Variants in FAM118B observed in about 807,000 individuals in gnomAD.
FAM118B encodes the protein SIR2 antiphage like 1.
In FAM118B, 24 loss-of-function variants were observed where a neutral mutation model predicts 38.5. The observed-to-expected ratio is 0.62, with a 90% CI of 0.45 to 0.88. The LOEUF is 0.88. FAM118B is among the 40% of genes least tolerant of loss of function. The probability of loss-of-function intolerance (pLI) is 0.00; values close to 1 mark genes in which losing one functional copy is unlikely to be tolerated. For missense variants in FAM118B, 334 were observed against 420.0 expected (o/e 0.80, Z 1.79); for synonymous variants, 138 against 156.3 (o/e 0.88, Z 0.87).
rs541468434 is a variant in FAM118B at position 126,250,486 on chromosome 11, T to C, written c.340-20T>C. The C allele has an allele frequency of 5.7e-6, 9 of 1,581,940 alleles. No individual in the cohort carries two copies. The highest frequency in any genetic ancestry group is 1.7e-5 in the Admixed American group (1 of 58,980). On this transcript the variant is annotated intron_variant, in intron 4 of 8. Coordinates refer to ENST00000533050, the MANE Select transcript of FAM118B (RefSeq NM_024556.4). The surrounding 1 kb of genome is among the most constrained non-coding windows in gnomAD (Gnocchi z 5.1). ...CCAAAGCACTTTGGACTAATTTTCT[T>C]TTTTCAAATCCCTCCTCAGCGTACC...
rs1365465609 is a variant in FAM118B at position 126,262,210 on chromosome 11, C to G, written c.*77C>G. On this transcript the variant is annotated 3_prime_UTR_variant, in exon 9 of 9. Transcript: ENST00000533050. Reference sequence around the variant, plus strand: ...AGACAGTGTTTAACAAGTAAACTTACAAGAACCCAACACAATTCCCAGAAA... The same window carrying G: ...AGACAGTGTTTAACAAGTAAACTTAGAAGAACCCAACACAATTCCCAGAAA... 4 of 1,492,012 alleles carry G rather than the reference C, an allele frequency of 2.7e-6. No individual in the cohort carries two copies. Among genetic ancestry groups the G allele is most frequent in the Middle Eastern group, 1.7e-4 (1 of 5,858 alleles). The allele number at this position is 1,492,012 out of a possible 1,614,324, so 92.4% of individuals were successfully genotyped here. A position where few individuals can be genotyped will look rare whatever the true frequency, so the allele number is the denominator to read the frequency against.
chr11:126,219,379 T>C (rs1411053190), intron 1 of FAM118B, among the ~76,000 whole-genome samples: 21 of 81,664 alleles, frequency 2.6e-4, no homozygotes, highest in Admixed American at 1.5e-3. Flanking sequence ...TTTTTTTTTT[T>C]TTTTTTTTTT....
At chr11:126,241,706 T>C (rs1362496756) in intron 4 of FAM118B, among the ~76,000 whole-genome samples, 1 of 152,018 alleles carries the variant, frequency 6.6e-6, no homozygotes, top group Non-Finnish European at 1.5e-5. Context: ...TGTGCCACCA[T>C]GCCCAGCTAA....
rs575757337 is a variant in FAM118B, at chr11:126,215,407, T to C, written c.-77+3577T>C. ...ATTGAGTGGTGTTGGAATATACTTTTAAGATTTCTGGCCAGGCGCGGTGGC... is the reference window on the plus strand; with the variant it reads ...ATTGAGTGGTGTTGGAATATACTTTCAAGATTTCTGGCCAGGCGCGGTGGC... On this transcript the variant is annotated intron_variant, in intron 1 of 8. Transcript: ENST00000533050. Among the ~76,000 whole-genome samples, 8 of 152,290 alleles carry C rather than the reference T, an allele frequency of 5.3e-5. 1 individual carries two copies. Among genetic ancestry groups the C allele is most frequent in the Admixed American group, 5.2e-4 (8 of 15,298 alleles).
At chr11:126,237,316 G>C (rs1458536789) in intron 3 of FAM118B, among the ~76,000 whole-genome samples, 7 of 143,800 alleles carry the variant, frequency 4.9e-5, no homozygotes, top group Non-Finnish European at 7.5e-5. Context: ...TGCCTCCCGG[G>C]TTCAAGCAAT....
chr11:126,227,058 CTTTTTTT>C (rs575065140), intron 1 of FAM118B, among the ~76,000 whole-genome samples: 2 of 97,164 alleles, frequency 2.1e-5, no homozygotes, highest in East Asian at 2.8e-4. Flanking sequence ...ATACAAGCTT[CTTTTTTT>C]TTTTTTTTTT....
chr11:126,246,700 C>T (rs1452832481), intron 4 of FAM118B, among the ~76,000 whole-genome samples: 1 of 151,998 alleles, frequency 6.6e-6, no homozygotes, highest in Non-Finnish European at 1.5e-5. Flanking sequence ...TTTCAGCTTC[C>T]CAAAAACTGA....
chr11:126,231,133 C>T (rs909550157), intron 2 of FAM118B, among the ~76,000 whole-genome samples: 3 of 152,152 alleles, frequency 2.0e-5, no homozygotes, highest in Non-Finnish European at 4.4e-5. Flanking sequence ...TTACTTTGCT[C>T]ATCTTTTACC....
chr11:126,246,564 TTAA>T (rs1409882518), intron 4 of FAM118B, among the ~76,000 whole-genome samples: 6 of 152,164 alleles, frequency 3.9e-5, no homozygotes, highest in African/African-American at 7.2e-5. Flanking sequence ...ACTAGAAATG[TTAA>T]TAACCCTGGG....
At position 126,254,206 on chromosome 11, in the gene FAM118B, G is replaced by T. The variant is rs191902987; in HGVS notation, c.568-99G>T. 1.4e-4 allele frequency: 204 copies of T among 1,408,964 alleles called. 2 individuals carry two copies. In the African/African-American group the frequency reaches 2.6e-3, roughly 18 times the overall value. The allele number at this position is 1,408,964 out of a possible 1,614,324, so 87.3% of individuals were successfully genotyped here. A position where few individuals can be genotyped will look rare whatever the true frequency, so the allele number is the denominator to read the frequency against. On this transcript the variant is annotated intron_variant, in intron 5 of 8. Transcript: ENST00000533050. ...TATATCATGAAGCTAGAGAGTTTAT[G>T]TCAGAAGTCTAGTCCTCAAAACAGC...
chr11:126,250,042 T>C lies in FAM118B; in HGVS notation c.340-464T>C, dbSNP rs901274696. The stretch of plus-strand genomic sequence containing the variant: ...TGCTAAGCACTTGGCATGTATCATC[T>C]CATCTTCCTTATTACGTTCGTATGA... On this transcript the variant is annotated intron_variant, in intron 4 of 8. Transcript: ENST00000533050. This position sits in a 1 kb window ranked among gnomAD's most constrained non-coding sequence, Gnocchi z 5.1. Among the ~76,000 whole-genome samples, 2 of 152,118 alleles carry C rather than the reference T, an allele frequency of 1.3e-5. No individual in the cohort carries two copies. Among genetic ancestry groups the C allele is most frequent in the Non-Finnish European group, 2.9e-5 (2 of 68,024 alleles).
intron 1 of FAM118B, among the ~76,000 whole-genome samples, chr11:126,216,618 A>G (rs1416429732): frequency 2.0e-5 from 3 of 152,258 alleles, no homozygotes; most frequent in Non-Finnish European, 2.9e-5. Context: ...CATTTCTAAT[A>G]TGAAACACTG....
chr11:126,232,100 C>A (rs1565329459), intron 2 of FAM118B, among the ~76,000 whole-genome samples: 2 of 152,008 alleles, frequency 1.3e-5, no homozygotes, highest in Non-Finnish European at 2.9e-5. Context: ...TTTATTATTC[C>A]TCATCTAAAA....
intron 2 of FAM118B, 64 bp from the exon 3 acceptor site, chr11:126,234,931 G>A: frequency 7.7e-7 from 1 of 1,299,186 alleles, no homozygotes; most frequent in South Asian, 1.2e-5. Context: ...TTTAATATAT[G>A]TGCTATTTTG....
At chr11:126,228,615 C>T (rs1373325555) in intron 1 of FAM118B, among the ~76,000 whole-genome samples, 3 of 152,130 alleles carry the variant, frequency 2.0e-5, no homozygotes, top group Non-Finnish European at 4.4e-5. Flanking sequence ...GGCTGGAGTG[C>T]AGTGGCATGA....
intron 4 of FAM118B, among the ~76,000 whole-genome samples, chr11:126,242,139 A>T (rs1334653210): frequency 6.6e-6 from 1 of 152,186 alleles, no homozygotes; most frequent in Non-Finnish European, 1.5e-5. Context: ...CTAAAACTGT[A>T]AAACTCTTAG....
rs143489118 is a variant in FAM118B, at chr11:126,241,300, C to A, written c.339+256C>A. On this transcript the variant is annotated intron_variant, in intron 4 of 8. Transcript: ENST00000533050. ...TTGAGGACTTTATATGTACAAATTA[C>A]CACTGTGTTTTGAATTTATTTTTTT... The A allele has an allele frequency of 2.2e-3, 798 of 358,290 alleles. 9 individuals carry two copies. The highest frequency in any genetic ancestry group is 0.014 in the African/African-American group (699 of 48,374). The allele number at this position is 358,290 out of a possible 1,614,324, so 22.2% of individuals were successfully genotyped here. A position where few individuals can be genotyped will look rare whatever the true frequency, so the allele number is the denominator to read the frequency against.
chr11:126,261,338 A>C, intron 7 of FAM118B, 87 bp from the exon 8 acceptor site: 2 of 1,022,864 alleles, frequency 2.0e-6, no homozygotes, highest in Non-Finnish European at 3.1e-6. Context: ...GTCGTACCAT[A>C]TGTCCTCATC....
At chr11:126,228,760 C>T (rs1950173999) in intron 1 of FAM118B, among the ~76,000 whole-genome samples, 1 of 152,034 alleles carries the variant, frequency 6.6e-6, no homozygotes, top group Admixed American at 6.6e-5. Flanking sequence ...GGGGTTTCAC[C>T]ATCTTGGCCA....
Sources: allele counts gnomAD v4.1 joint callset (sites outside exome capture counted in the v4.1 genomes callset), GRCh38; gene constraint gnomAD v4.1.1; non-coding constraint Gnocchi (gnomAD v3.1); transcripts MANE v1.5; gene names NCBI Gene and HGNC (gene_info 2026-07-23, HGNC 2026-07-21).